NRXN3: variants seen among roughly 807,000 people sequenced by gnomAD.
NRXN3 encodes neurexin 3.
A neutral mutation model predicts 137.6 loss-of-function variants in NRXN3; 32 were observed. The observed-to-expected ratio is 0.23, with a 90% CI of 0.18 to 0.31. The LOEUF (loss-of-function observed/expected upper bound fraction) is 0.31, where lower values mean the gene tolerates loss of function less well. Ranked by LOEUF, NRXN3 falls within the 10% of genes least tolerant of loss-of-function variation. The probability of loss-of-function intolerance (pLI) is 1.00; values close to 1 mark genes in which losing one functional copy is unlikely to be tolerated. For synonymous variants in NRXN3, 798 were observed against 784.5 expected, an observed-to-expected ratio of 1.02 and a Z score of -0.29; for missense variants, 1,574 against 2,062.5, an observed-to-expected ratio of 0.76 and a Z score of 4.59.
At chr14:79,741,383 T>G (rs2098962526) in intron 19 of NRXN3, among the ~76,000 whole-genome samples, 2 of 152,186 alleles carry the variant, frequency 1.3e-5, no homozygotes, top group African/African-American at 4.8e-5. Context: ...AATTCAGCAT[T>G]ATTCTAATTT....
At chr14:78,417,305 C>T (rs1037476831) in intron 4 of NRXN3, among the ~76,000 whole-genome samples, 1 of 152,218 alleles carries the variant, frequency 6.6e-6, no homozygotes, top group Non-Finnish European at 1.5e-5. Flanking sequence ...TTGTTCATGT[C>T]CTTCTGTCTG....
At chr14:78,235,026 G>GTGTATATATATATATATATA (rs1555418717) in intron 1 of NRXN3, among the ~76,000 whole-genome samples, 1 of 87,308 alleles carries the variant, frequency 1.1e-5, no homozygotes, top group Non-Finnish European at 2.2e-5. Flanking sequence ...ATATATATGT[G>GTGTATATATATATATATATA]TATATATATA....
intron 1 of NRXN3, among the ~76,000 whole-genome samples, chr14:78,194,037 G>A (rs554916578): frequency 1.7e-3 from 263 of 152,308 alleles, no homozygotes; most frequent in African/African-American, 5.9e-3. Flanking sequence ...AAAGGGGGCT[G>A]TGTCTATACT....
At chr14:79,617,430 T>A (rs2098169483) in intron 16 of NRXN3, among the ~76,000 whole-genome samples, 2 of 151,750 alleles carry the variant, frequency 1.3e-5, no homozygotes, top group Admixed American at 1.3e-4. Context: ...TAATTCATTT[T>A]GCATTCTTAA....
intron 15 of NRXN3, among the ~76,000 whole-genome samples, chr14:79,131,256 G>A (rs2057425408): frequency 6.6e-6 from 1 of 152,104 alleles, no homozygotes. Context: ...GAGGTGCTCT[G>A]CTTTTTAGAG....
At chr14:79,172,041 G>C (rs1368073945) in intron 15 of NRXN3, among the ~76,000 whole-genome samples, 2 of 152,112 alleles carry the variant, frequency 1.3e-5, no homozygotes, top group Non-Finnish European at 2.9e-5. Flanking sequence ...GTGAGCACTA[G>C]AGAAAACCTC....
At chr14:79,118,390 C>A (rs2054829098) in intron 15 of NRXN3, among the ~76,000 whole-genome samples, 1 of 152,186 alleles carries the variant, frequency 6.6e-6, no homozygotes, top group Admixed American at 6.5e-5. Context: ...TGATCATTTG[C>A]AATCAATGAG....
At chr14:79,490,768 C>A (rs948720204) in intron 16 of NRXN3, among the ~76,000 whole-genome samples, 2 of 151,902 alleles carry the variant, frequency 1.3e-5, no homozygotes. Flanking sequence ...AACAGGGTGA[C>A]TGTAGTCGAT....
intron 15 of NRXN3, among the ~76,000 whole-genome samples, chr14:79,442,649 T>C (rs2095984961): frequency 6.6e-6 from 1 of 152,238 alleles, no homozygotes; most frequent in Admixed American, 6.5e-5. Flanking sequence ...TTTTTCATTT[T>C]GTTCTTAAAA....
At chr14:78,545,278 A>G (rs1214397081) in intron 4 of NRXN3, among the ~76,000 whole-genome samples, 1 of 152,198 alleles carries the variant, frequency 6.6e-6, no homozygotes, top group Non-Finnish European at 1.5e-5. Flanking sequence ...TCCTCTCTCA[A>G]TTCTCTTTTG....
Position 79,683,776 on chromosome 14 carries a change from T to C in NRXN3, c.3617-8397T>C, listed in dbSNP as rs558941645. ...TTGACTGGAAGCATCAGTTACTCTC[T>C]GGCTCAGTTCCTTGCCTTATGTATG... is the stretch of plus-strand genomic sequence containing the variant. On this transcript the variant is annotated intron_variant, in intron 17 of 20. Coordinates refer to ENST00000335750, the MANE Select transcript of NRXN3 (RefSeq NM_001330195.2). 3.3e-5 allele frequency among the ~76,000 whole-genome samples: 5 copies of C among 152,298 alleles called. No individual in the cohort carries two copies. In the East Asian group the frequency reaches 9.7e-4, roughly 29 times the overall value.
At chr14:78,732,518 G>C (rs935990075) in intron 8 of NRXN3, among the ~76,000 whole-genome samples, 11 of 152,058 alleles carry the variant, frequency 7.2e-5, no homozygotes, top group African/African-American at 2.7e-4. Context: ...AAACACATAG[G>C]CTTCAGAAGA....
chr14:79,167,511 A>G (rs535871828), intron 15 of NRXN3, among the ~76,000 whole-genome samples: 4 of 152,122 alleles, frequency 2.6e-5, no homozygotes, highest in African/African-American at 9.6e-5. Flanking sequence ...AATTTCAGAT[A>G]CTCAGGAAGG....
At chr14:79,840,647 T>C (rs983288665) in intron 20 of NRXN3, among the ~76,000 whole-genome samples, 1 of 152,158 alleles carries the variant, frequency 6.6e-6, no homozygotes, top group Admixed American at 6.5e-5. Context: ...TGTATATCTT[T>C]GGGTGAGTTA....
chr14:78,812,606 T>C (rs192222087), intron 10 of NRXN3, among the ~76,000 whole-genome samples: 323 of 152,278 alleles, frequency 2.1e-3, no homozygotes, highest in Middle Eastern at 3.4e-3. Flanking sequence ...CAGGATTACC[T>C]CTGTTGGGAA....
chr14:79,413,017 T>A (rs1458129148), intron 15 of NRXN3, among the ~76,000 whole-genome samples: 1 of 152,138 alleles, frequency 6.6e-6, no homozygotes, highest in African/African-American at 2.4e-5. Context: ...ATCAAATTGA[T>A]TTGACTGTCC....
At chr14:78,510,684 T>A (rs2096087570) in intron 4 of NRXN3, among the ~76,000 whole-genome samples, 2 of 152,218 alleles carry the variant, frequency 1.3e-5, no homozygotes, top group Non-Finnish European at 2.9e-5. Flanking sequence ...TTTCTTTGTT[T>A]GATCCCTGGC....
At chr14:78,366,628 A>G (rs1180150338) in intron 4 of NRXN3, among the ~76,000 whole-genome samples, 1 of 152,192 alleles carries the variant, frequency 6.6e-6, no homozygotes. Flanking sequence ...GTGGAAGGCA[A>G]AGAGGAGCAA....
intron 1 of NRXN3, among the ~76,000 whole-genome samples, chr14:78,182,232 A>T (rs1243996940): frequency 2.0e-5 from 3 of 152,090 alleles, no homozygotes; most frequent in Non-Finnish European, 2.9e-5. Flanking sequence ...GAGAAGAGCT[A>T]ATGTTATTAT....
Sources: gnomAD v4.1 joint callset for allele counts (sites outside exome capture counted in the v4.1 genomes callset) on GRCh38, gnomAD v4.1.1 for gene constraint, MANE v1.5 for transcripts, NCBI Gene and HGNC (gene_info 2026-07-23, HGNC 2026-07-21) for gene names.